Variants in MICB observed in about 807,000 individuals in gnomAD.
MICB encodes MHC class I antigen-related protein B.
In MICB, 27 loss-of-function variants were observed where a neutral mutation model predicts 34.3. The ratio of observed to expected loss-of-function variants is 0.79; its 90% CI spans 0.58 to 1.08. The LOEUF is 1.08. Ranked by LOEUF, MICB falls within the 50% of genes least tolerant of loss-of-function variation. MICB has a pLI of 0.00. For synonymous variants in MICB, 153 were observed against 187.4 expected, an observed-to-expected ratio of 0.82 and a Z score of 1.50; for missense variants, 426 against 483.1, an observed-to-expected ratio of 0.88 and a Z score of 1.11.
chr6:31,509,524 TC>T (rs560051329), intron 5 of MICB, among the ~76,000 whole-genome samples: 60 of 152,264 alleles, frequency 3.9e-4, no homozygotes, highest in South Asian at 3.1e-3. Context: ...TTGGGTCTTG[TC>T]CTTTTGTCTT....
At chr6:31,496,252 C>T (rs2534676), upstream of MICB, among the ~76,000 whole-genome samples, 99,377 of 152,096 alleles carry the variant, frequency 0.65, 32,634 homozygotes, top group Middle Eastern at 0.73. Flanking sequence ...TGAGAATTCA[C>T]ATGCCACACA....
chr6:31,499,443 C>A (rs1185735075), intron 1 of MICB, among the ~76,000 whole-genome samples: 1 of 152,072 alleles, frequency 6.6e-6, no homozygotes, highest in South Asian at 2.1e-4. Flanking sequence ...TCCCTCCTGC[C>A]TCCTTTATGG....
intron 1 of MICB, among the ~76,000 whole-genome samples, chr6:31,502,538 T>G (rs1268621895): frequency 6.6e-6 from 1 of 152,252 alleles, no homozygotes; most frequent in Non-Finnish European, 1.5e-5. Flanking sequence ...GATTTCTTTT[T>G]CAGATTATTT....
intron 3 of MICB, 144 bp downstream of exon 3, chr6:31,506,574 G>C (rs1315803522): frequency 2.2e-6 from 2 of 903,956 alleles, no homozygotes; most frequent in Non-Finnish European, 3.3e-6. Context: ...TGCCTCTCCT[G>C]TTAGAGCCAT....
upstream of MICB, chr6:31,498,049 T>C: frequency 2.2e-6 from 1 of 463,752 alleles, no homozygotes; most frequent in South Asian, 2.2e-5. Flanking sequence ...CCACTCATGA[T>C]TGGCCCTAAG....
rs374353214 is a variant in MICB, at chr6:31,507,847, G to C, written c.1024+316G>C. Among the ~76,000 whole-genome samples the C allele has an allele frequency of 0.16, 24,464 of 152,106 alleles. 2,114 individuals are homozygous for C. The highest frequency in any genetic ancestry group is 0.2 in the African/African-American group (8,408 of 41,484). ...CTCTCTGTCTCTCGGGCTCACTAGG[G>C]TGCGTCCAGGTGGGGTGAGTTGGGA... On this transcript the variant is annotated intron_variant, in intron 5 of 5. Transcript: ENST00000252229. This position sits in a 1 kb window ranked among gnomAD's most constrained non-coding sequence, Gnocchi z 6.0.
chr6:31,497,166 G>A (rs913943639), upstream of MICB, among the ~76,000 whole-genome samples: 4 of 152,130 alleles, frequency 2.6e-5, no homozygotes, highest in African/African-American at 9.7e-5. Flanking sequence ...TATGGCTGTG[G>A]GATTGAAATA....
At chr6:31,499,967 C>G (rs1764933658) in intron 1 of MICB, among the ~76,000 whole-genome samples, 1 of 150,890 alleles carries the variant, frequency 6.6e-6, no homozygotes, top group African/African-American at 2.4e-5. Context: ...TGTCCTCACC[C>G]TACCCCAAGT....
intron 2 of MICB, 78 bp from the exon 3 acceptor site, chr6:31,506,065 G>C (rs1005155965): frequency 6.6e-6 from 10 of 1,510,546 alleles, no homozygotes; most frequent in South Asian, 5.3e-5. Context: ...GGGAGGGGTC[G>C]CTGCTGGGCT....
At chr6:31,508,989 G>T (rs1479588745) in intron 5 of MICB, among the ~76,000 whole-genome samples, 2 of 152,268 alleles carry the variant, frequency 1.3e-5, no homozygotes, top group African/African-American at 4.8e-5. Context: ...GTGGAGAAAA[G>T]TCCTTGTAGG....
chr6:31,498,318 G>T, intron 1 of MICB, 55 bp downstream of exon 1: 1 of 1,453,392 alleles, frequency 6.9e-7, no homozygotes, highest in Non-Finnish European at 9.2e-7. Context: ...GGCGTTTCCG[G>T]GGGTCCGGGT....
intron 1 of MICB, among the ~76,000 whole-genome samples, chr6:31,504,270 T>A: frequency 7.8e-6 from 1 of 128,874 alleles, no homozygotes. Flanking sequence ...TTTTTTTTTT[T>A]TTTTTTTGAG....
chr6:31,499,845 G>T (rs2904595), intron 1 of MICB, among the ~76,000 whole-genome samples: 29 of 150,920 alleles, frequency 1.9e-4, no homozygotes, highest in African/African-American at 4.4e-4. Context: ...CCAGCTGCCT[G>T]GGGCCCTCAG....
upstream of MICB, among the ~76,000 whole-genome samples, chr6:31,495,903 G>A (rs3130926): frequency 0.8 from 121,959 of 151,958 alleles, 49,238 homozygotes; most frequent in East Asian, 0.91. Context: ...ATAAAATAAA[G>A]TAAATGAAAA....
intron 1 of MICB, among the ~76,000 whole-genome samples, chr6:31,503,031 G>A (rs1169388700): frequency 2.6e-5 from 4 of 152,198 alleles, no homozygotes; most frequent in African/African-American, 7.2e-5. Context: ...CTGTTGATAC[G>A]ATGTATTACA....
At chr6:31,495,843 C>T (rs190801722), upstream of MICB, among the ~76,000 whole-genome samples, 154 of 152,016 alleles carry the variant, frequency 1.0e-3, no homozygotes, top group African/African-American at 3.3e-3. Flanking sequence ...GCTATAATCA[C>T]ACCACTGCAT....
At chr6:31,498,139 G>C (rs1299402752), upstream of MICB, 2 of 1,464,634 alleles carry the variant, frequency 1.4e-6, no homozygotes, top group Non-Finnish European at 1.9e-6. Context: ...TCTTCTCACG[G>C]GTTTCATTCA....
rs528890631 is a variant in MICB at position 31,502,265 on chromosome 6, G to A, written c.71-3352G>A. On this transcript the variant is annotated intron_variant, in intron 1 of 5. Coordinates refer to ENST00000252229, the MANE Select transcript of MICB (RefSeq NM_005931.5). ...GCAGGAGAATCGCTTGAACCCAGGA[G>A]GCAGAGGTTGTGGTGAGCTGAGATT... 1.8e-4 allele frequency among the ~76,000 whole-genome samples: 27 copies of A among 152,322 alleles called. 1 individual carries two copies. Among genetic ancestry groups the A allele is most frequent in the Non-Finnish European group, 4.4e-5 (3 of 68,030 alleles).
intron 1 of MICB, among the ~76,000 whole-genome samples, chr6:31,504,200 T>G (rs1765158149): frequency 6.6e-6 from 1 of 151,936 alleles, no homozygotes; most frequent in Non-Finnish European, 1.5e-5. Context: ...TTGACTGTTT[T>G]GTTGTTTTTG....
Sources: gnomAD v4.1 joint callset for allele counts (sites outside exome capture counted in the v4.1 genomes callset) on GRCh38, gnomAD v4.1.1 for gene constraint, Gnocchi (gnomAD v3.1) non-coding constraint, MANE v1.5 for transcripts, NCBI Gene and HGNC (gene_info 2026-07-23, HGNC 2026-07-21) for gene names.